Variants in FUBP3 observed in about 807,000 individuals in gnomAD.
FUBP3 encodes far upstream element binding protein 3, also known as far upstream element-binding protein 3.
Under a neutral mutation model 85.6 loss-of-function variants are expected in FUBP3, and 28 were observed. That is an observed-to-expected ratio of 0.33 (90% CI 0.24 to 0.45). The LOEUF (loss-of-function observed/expected upper bound fraction) is 0.45. Ranked by LOEUF, FUBP3 falls within the 20% of genes least tolerant of loss-of-function variation. FUBP3 has a pLI of 1.00. For missense variants in FUBP3, 583 were observed against 755.1 expected, an observed-to-expected ratio of 0.77 and a Z score of 2.67; for synonymous variants, 271 against 271.4, an observed-to-expected ratio of 1.00 and a Z score of 0.01.
rs1408233547 is a variant in FUBP3, at chr9:130,637,246, G to A, written c.*224G>A. 5 of 564,618 alleles carry A rather than the reference G, an allele frequency of 8.9e-6. No homozygotes were observed. Among genetic ancestry groups the A allele is most frequent in the African/African-American group, 1.9e-5 (1 of 53,130 alleles). 35.0% of individuals were successfully genotyped at this position (564,618 alleles called of 1,614,324 possible). ...TATTTTTGTTATTTCAAATGTATAA[G>A]CTCTGGGATTCTTTTTGGAGCAATA... On this transcript the variant is annotated 3_prime_UTR_variant, in exon 19 of 19. Transcript: ENST00000319725.
In FUBP3 at chr9:130,603,332, G is replaced by A. The variant is rs1302785354; in HGVS notation, c.191-6622G>A. Among the ~76,000 whole-genome samples, 9 of 119,022 alleles carry A rather than the reference G, an allele frequency of 7.6e-5. No homozygotes were observed. The East Asian group carries it at 2.4e-3, about 31-fold the overall frequency. 78.1% of individuals were successfully genotyped at this position (119,022 alleles called of 152,430 possible). On this transcript the variant is annotated intron_variant, in intron 2 of 18. Coordinates refer to ENST00000319725, the MANE Select transcript of FUBP3 (RefSeq NM_003934.2). The stretch of plus-strand genomic sequence containing the variant: ...ACTGCACTCCAGCCTGGGCGACAGA[G>A]CAAGACTCTGTCTCCAAAAAAAAAA...
rs372811310 is a variant in FUBP3 at position 130,636,111 on chromosome 9, G to T, written c.1695G>T (p.Ala565=). The part of the protein sequence containing the change: ...VAFYGQTLGQ[A]QAHSQEQ ...TCTACGGACAGACGTTAGGGCAGGC[G>T]CAGGCCCACAGCCAGGTCTGTAGCT... The change falls in exon 18 of 19, where the codon GCG becomes GCT. Residue 565 remains alanine, a synonymous_variant. Coordinates refer to ENST00000319725, the MANE Select transcript of FUBP3 (RefSeq NM_003934.2). 6.2e-7 allele frequency: 1 copy of T among 1,613,258 alleles called. No individual in the cohort carries two copies.
At position 130,591,013 on chromosome 9, in the gene FUBP3, TTG is replaced by T. The variant is rs200173200; in HGVS notation, c.85-4468_85-4467del. ...TTTTTATTTTTGTTTTTGTTTGTTT[TTG>T]TTTTTTTTTTGGTAAACTGAAAGCA... On this transcript the variant is annotated intron_variant, in intron 1 of 18. Transcript: ENST00000319725. 1.1e-3 allele frequency among the ~76,000 whole-genome samples: 104 copies of T among 90,612 alleles called. 4 individuals carry two copies. Among genetic ancestry groups the T allele is most frequent in the East Asian group, 5.2e-3 (5 of 958 alleles). 59.4% of individuals were successfully genotyped at this position (90,612 alleles called of 152,430 possible). A position where few individuals can be genotyped will look rare whatever the true frequency, so the allele number is the denominator to read the frequency against.
chr9:130,623,985 T>C (rs528176672), intron 11 of FUBP3, among the ~76,000 whole-genome samples: 12 of 152,206 alleles, frequency 7.9e-5, no homozygotes, highest in Admixed American at 3.3e-4. Flanking sequence ...ACCATGGAGA[T>C]TGGTCGCCAA....
intron 13 of FUBP3, 67 bp downstream of exon 13, chr9:130,630,855 C>T: frequency 1.7e-6 from 2 of 1,188,420 alleles, no homozygotes; most frequent in Non-Finnish European, 2.3e-6. Flanking sequence ...TCCAAGGTAC[C>T]AGCTTTTCCC....
At chr9:130,633,979 G>A (rs1226218315) in intron 16 of FUBP3, among the ~76,000 whole-genome samples, 1 of 152,118 alleles carries the variant, frequency 6.6e-6, no homozygotes, top group Non-Finnish European at 1.5e-5. Flanking sequence ...GCCCCGGCCT[G>A]GGCAGAAGGA....
At chr9:130,606,662 A>G (rs1831464069) in intron 2 of FUBP3, among the ~76,000 whole-genome samples, 1 of 152,078 alleles carries the variant, frequency 6.6e-6, no homozygotes, top group Admixed American at 6.5e-5. Flanking sequence ...CTCTACTAAA[A>G]ATACAAAATT....
At chr9:130,604,311 TGAA>T (rs1388018012) in intron 2 of FUBP3, among the ~76,000 whole-genome samples, 8 of 152,178 alleles carry the variant, frequency 5.3e-5, no homozygotes, top group Non-Finnish European at 1.0e-4. Context: ...CCAGTGTCTC[TGAA>T]GAAGTAAGTG....
At chr9:130,594,626 G>A (rs1285520080) in intron 1 of FUBP3, among the ~76,000 whole-genome samples, 1 of 151,996 alleles carries the variant, frequency 6.6e-6, no homozygotes, top group Non-Finnish European at 1.5e-5. Flanking sequence ...GGACGTGGTG[G>A]TGCGTACTTG....
At chr9:130,611,492 CTGTT>C (rs538540483) in intron 3 of FUBP3, among the ~76,000 whole-genome samples, 14 of 152,148 alleles carry the variant, frequency 9.2e-5, no homozygotes, top group Admixed American at 2.6e-4. Flanking sequence ...AGGGAGAAGA[CTGTT>C]TGTTCCCATC....
chr9:130,618,126 G>A (rs1245707788), intron 8 of FUBP3, among the ~76,000 whole-genome samples: 1 of 152,202 alleles, frequency 6.6e-6, no homozygotes, highest in Non-Finnish European at 1.5e-5. Context: ...TAAAAACTGA[G>A]CTCCTCATTT....
rs537586454 is a variant in FUBP3, at chr9:130,579,630, GCGGCGGCGTCGGCGGCGT to G, written c.-42_-25del. The G allele has an allele frequency of 2.7e-6, 3 of 1,121,008 alleles. No homozygotes were observed. The highest frequency in any genetic ancestry group is 4.3e-5 in the Admixed American group (1 of 23,258). 69.4% of individuals were successfully genotyped at this position (1,121,008 alleles called of 1,614,324 possible). On this transcript the variant is annotated 5_prime_UTR_variant, in exon 1 of 19. Coordinates refer to ENST00000319725, the MANE Select transcript of FUBP3 (RefSeq NM_003934.2). ...GCGGGAGGCCGGACCGGGGAGCCGA[GCGGCGGCGTCGGCGGCGT>G]CGGCGGCGGCGGCGACGGCGGCGGG...
chr9:130,592,787 T>C (rs904626292), intron 1 of FUBP3, among the ~76,000 whole-genome samples: 4 of 152,138 alleles, frequency 2.6e-5, no homozygotes, highest in African/African-American at 9.7e-5. Context: ...CAAGCAGTCA[T>C]CCCGCTTTGA....
chr9:130,579,816 C>A, intron 1 of FUBP3, 52 bp downstream of exon 1: 2 of 1,021,992 alleles, frequency 2.0e-6, no homozygotes, highest in African/African-American at 1.7e-5. Context: ...CGGGGCCTGG[C>A]GGGCGGGGAA....
At chr9:130,634,554 T>G in intron 16 of FUBP3, 113 bp from the exon 17 acceptor site, 2 of 757,440 alleles carry the variant, frequency 2.6e-6, no homozygotes, top group Non-Finnish European at 4.4e-6. Context: ...TGCGGAGCCG[T>G]GTGTGGCCAG....
chr9:130,631,473 TG>T, intron 13 of FUBP3, 83 bp from the exon 14 acceptor site: 1 of 1,395,766 alleles, frequency 7.2e-7, no homozygotes, highest in Non-Finnish European at 1.0e-6. Flanking sequence ...CCCCAAAAGC[TG>T]GGCTTTGCCT....
chr9:130,604,434 GTC>G (rs1219214303), intron 2 of FUBP3, among the ~76,000 whole-genome samples: 1 of 152,184 alleles, frequency 6.6e-6, no homozygotes, highest in Non-Finnish European at 1.5e-5. Flanking sequence ...GGACTTCAGA[GTC>G]TGACAGATCA....
chr9:130,600,783 G>A (rs1466954657), intron 2 of FUBP3, among the ~76,000 whole-genome samples: 1 of 151,766 alleles, frequency 6.6e-6, no homozygotes, highest in Non-Finnish European at 1.5e-5. Flanking sequence ...GACCAGCCTG[G>A]GCAATATAGC....
chr9:130,622,139 A>G (rs187437730), intron 9 of FUBP3, among the ~76,000 whole-genome samples: 3 of 151,948 alleles, frequency 2.0e-5, no homozygotes, highest in Admixed American at 1.3e-4. Context: ...CCTGGCCAAC[A>G]TGGTGAAACC....
Sources: allele counts gnomAD v4.1 joint callset (sites outside exome capture counted in the v4.1 genomes callset), GRCh38; gene constraint gnomAD v4.1.1; transcripts MANE v1.5; gene names NCBI Gene and HGNC (gene_info 2026-07-23, HGNC 2026-07-21).